Variants in VWA2 observed in about 807,000 individuals in gnomAD.
VWA2 encodes von Willebrand factor A domain containing 2.
VWA2 carries 73 observed loss-of-function variants against 70.4 expected under a neutral mutation model. That is an observed-to-expected ratio of 1.04 (90% CI 0.86 to 1.26). The LOEUF (loss-of-function observed/expected upper bound fraction) is 1.26, where lower values mean the gene tolerates loss of function less well. VWA2 is among the 50% of genes most tolerant of loss of function. The probability of loss-of-function intolerance (pLI) is 0.00; values close to 1 mark genes in which losing one functional copy is unlikely to be tolerated. For synonymous variants in VWA2, 407 were observed against 423.3 expected (o/e 0.96, Z 0.47); for missense variants, 1,011 against 998.5 (o/e 1.01, Z -0.17).
At chr10:114,285,762 G>C (rs560106161) in intron 10 of VWA2, among the ~76,000 whole-genome samples, 177 bp from the exon 11 acceptor site, 2 of 152,348 alleles carry the variant, frequency 1.3e-5, no homozygotes, top group South Asian at 4.1e-4. Flanking sequence ...CGAGTGCCAG[G>C]AGTGCCATGT....
At chr10:114,280,235 C>T (rs2038001134) in intron 8 of VWA2, among the ~76,000 whole-genome samples, 1 of 152,292 alleles carries the variant, frequency 6.6e-6, no homozygotes. Context: ...TCAAGAAATA[C>T]CCACTGAGGG....
intron 7 of VWA2, among the ~76,000 whole-genome samples, 186 bp downstream of exon 7, chr10:114,278,233 G>A (rs540746539): frequency 5.1e-4 from 78 of 152,234 alleles, no homozygotes; most frequent in African/African-American, 1.8e-3. Context: ...TTCCCAGCTG[G>A]GAGCCCCGAG....
At chr10:114,267,392 C>T (rs769614854) in intron 5 of VWA2, among the ~76,000 whole-genome samples, 5 of 151,614 alleles carry the variant, frequency 3.3e-5, no homozygotes, top group Non-Finnish European at 7.4e-5. Context: ...GCTGGGATTA[C>T]AGTTGTGAGC....
chr10:114,287,961 G>A (rs867249601), intron 11 of VWA2, among the ~76,000 whole-genome samples: 3 of 152,208 alleles, frequency 2.0e-5, no homozygotes, highest in Middle Eastern at 3.2e-3. Context: ...CCCCGTAGCT[G>A]TGATAGTTTC....
chr10:114,291,234 C>T lies in VWA2; in HGVS notation c.2265C>T (p.Pro755=). Residue 755 remains proline, a synonymous_variant, in exon 14 of 14, where the codon CCC becomes CCT. Coordinates refer to ENST00000392982, the MANE Select transcript of VWA2 (RefSeq NM_001272046.2). ...CTTCCCCAGGATTCTTGAGACGCCC[C>T]TGAGGCACATGGCTCCCGTGCAGGA... ...PHCENRFLRR[P] is the part of the protein sequence containing the mutation. The T allele has an allele frequency of 6.4e-7, 1 of 1,550,466 alleles. No homozygotes were observed. Among genetic ancestry groups the T allele is most frequent in the South Asian group, 1.2e-5 (1 of 84,030 alleles).
chr10:114,241,932 T>C (rs1035202503), intron 1 of VWA2, among the ~76,000 whole-genome samples: 6 of 124,324 alleles, frequency 4.8e-5, no homozygotes, highest in Non-Finnish European at 1.6e-5. Context: ...CTATTGGAAG[T>C]CTGTTGGTGA....
chr10:114,263,149 G>GTTTTT, intron 5 of VWA2, among the ~76,000 whole-genome samples: 1 of 152,142 alleles, frequency 6.6e-6, no homozygotes, highest in South Asian at 2.1e-4. Flanking sequence ...CCAAGTAGCT[G>GTTTTT]GGACTGCAGG....
chr10:114,286,560 T>A, intron 11 of VWA2, 49 bp downstream of exon 11: 1 of 1,475,932 alleles, frequency 6.8e-7, no homozygotes, highest in Non-Finnish European at 9.0e-7. Flanking sequence ...GGGCGGGTCC[T>A]TCCTCCTTTT....
At chr10:114,240,787 G>A (rs2133270617) in intron 1 of VWA2, among the ~76,000 whole-genome samples, 1 of 152,268 alleles carries the variant, frequency 6.6e-6, no homozygotes, top group Non-Finnish European at 1.5e-5. Context: ...GAGCTCCTCA[G>A]GCCTTACTCT....
rs144974085 is a variant in VWA2 at position 114,282,017 on chromosome 10, C to CTTTT, written c.834-492_834-489dup. 2.5e-3 allele frequency among the ~76,000 whole-genome samples: 304 copies of CTTTT among 119,702 alleles called. 8 individuals are homozygous for CTTTT. Among genetic ancestry groups the CTTTT allele is most frequent in the African/African-American group, 9.4e-3 (296 of 31,384 alleles). The allele number at this position is 119,702 out of a possible 152,430, so 78.5% of individuals were successfully genotyped here. ...AAATGTGATAGCCAGCTTATGTTAC[C>CTTTT]TTTTTTTTTTGAGATGGAGTCTTAC... is the stretch of plus-strand genomic sequence containing the variant. On this transcript the variant is annotated intron_variant, in intron 8 of 13. Coordinates refer to ENST00000392982, the MANE Select transcript of VWA2 (RefSeq NM_001272046.2).
At chr10:114,242,087 T>C (rs2036982881) in intron 1 of VWA2, among the ~76,000 whole-genome samples, 1 of 152,082 alleles carries the variant, frequency 6.6e-6, no homozygotes, top group Non-Finnish European at 1.5e-5. Context: ...CTCTTCCACC[T>C]ACCACATTAG....
chr10:114,258,875 T>C (rs2037384847), intron 4 of VWA2, among the ~76,000 whole-genome samples: 1 of 152,214 alleles, frequency 6.6e-6, no homozygotes, highest in African/African-American at 2.4e-5. Context: ...CCTCCTCACA[T>C]TTTCATGGAA....
intron 4 of VWA2, among the ~76,000 whole-genome samples, chr10:114,257,545 C>T (rs2133316947): frequency 6.6e-6 from 1 of 152,312 alleles, no homozygotes; most frequent in Admixed American, 6.5e-5. Context: ...GGTCACACAG[C>T]AACCTCAGGA....
At chr10:114,282,901 C>A (rs1397972260) in intron 9 of VWA2, among the ~76,000 whole-genome samples, 1 of 152,236 alleles carries the variant, frequency 6.6e-6, no homozygotes, top group East Asian at 1.9e-4. Context: ...GAGTGATTTC[C>A]TCCTCTATAA....
intron 3 of VWA2, 67 bp downstream of exon 3, chr10:114,253,792 A>G: frequency 7.0e-7 from 1 of 1,429,160 alleles, no homozygotes; most frequent in South Asian, 1.2e-5. Flanking sequence ...ACTGGATGAG[A>G]ACCATGTTCT....
chr10:114,254,909 C>G lies in VWA2; in HGVS notation c.128-6C>G. 1 of 1,613,028 alleles carries G rather than the reference C, an allele frequency of 6.2e-7. No homozygotes were observed. The highest frequency in any genetic ancestry group is 8.5e-7 in the Non-Finnish European group (1 of 1,179,694). On this transcript the variant is annotated splice_region_variant and splice_polypyrimidine_tract_variant and intron_variant, in intron 3 of 13. Coordinates refer to ENST00000392982, the MANE Select transcript of VWA2 (RefSeq NM_001272046.2). ...GGTTGTCATCTGTCTGTCCCGCTCT[C>G]CCTAGTGATGTGGTGCTCGGCTGCA... is the stretch of plus-strand genomic sequence containing the variant.
intron 5 of VWA2, among the ~76,000 whole-genome samples, chr10:114,270,843 G>A (rs2133357889): frequency 6.6e-6 from 1 of 152,198 alleles, no homozygotes; most frequent in Non-Finnish European, 1.5e-5. Flanking sequence ...GTTTTTCTTT[G>A]ATAAGCCCAT....
At chr10:114,273,013 G>A (rs1162713154) in intron 6 of VWA2, 79 bp downstream of exon 6, 1 of 1,354,112 alleles carries the variant, frequency 7.4e-7, no homozygotes, top group African/African-American at 1.5e-5. Flanking sequence ...AGGGAAGGGA[G>A]GGGACTGGAA....
chr10:114,271,003 T>C (rs61869891), intron 5 of VWA2, among the ~76,000 whole-genome samples: 2,424 of 152,260 alleles, frequency 0.016, 36 homozygotes, highest in Non-Finnish European at 0.027. Flanking sequence ...CTTTTTCCCC[T>C]CTGAAGCCTG....
Sources: gnomAD v4.1 joint callset for allele counts (sites outside exome capture counted in the v4.1 genomes callset) on GRCh38, gnomAD v4.1.1 for gene constraint, MANE v1.5 for transcripts, NCBI Gene and HGNC (gene_info 2026-07-23, HGNC 2026-07-21) for gene names.